SYN3: variants seen among roughly 807,000 people sequenced by gnomAD.
SYN3 encodes the protein synapsin III.
Under a neutral mutation model 65.8 loss-of-function variants are expected in SYN3, and 35 were observed. That is an observed-to-expected ratio of 0.53 (90% CI 0.41 to 0.70). The LOEUF (loss-of-function observed/expected upper bound fraction) is 0.70, where lower values mean the gene tolerates loss of function less well. SYN3 is among the 30% of genes least tolerant of loss of function. The pLI, the probability that SYN3 is intolerant of heterozygous loss-of-function variation, is 0.00. For missense variants in SYN3, 680 were observed against 749.0 expected (o/e 0.91, Z 1.08); for synonymous variants, 270 against 292.9 (o/e 0.92, Z 0.80).
chr22:33,006,870 C>A (rs1037276134), intron 1 of SYN3, 46 bp from the exon 2 acceptor site: 3 of 483,618 alleles, frequency 6.2e-6, no homozygotes, highest in Admixed American at 3.4e-5. Flanking sequence ...ACCTCCACCC[C>A]CTTAAGAGCA....
rs1491135400 is a variant in SYN3 at position 32,556,803 on chromosome 22, G to GTTTTTTTTTTTTTTTTTTTTTTTTTTT, written c.775-15091_775-15090insAAAAAAAAAAAAAAAAAAAAAAAAAAA. Among the ~76,000 whole-genome samples the GTTTTTTTTTTTTTTTTTTTTTTTTTTT allele has an allele frequency of 1.1e-4, 4 of 35,262 alleles. 2 individuals are homozygous for GTTTTTTTTTTTTTTTTTTTTTTTTTTT. The highest frequency in any genetic ancestry group is 1.9e-4 in the African/African-American group (2 of 10,522). The allele number at this position is 35,262 out of a possible 152,430, so 23.1% of individuals were successfully genotyped here. A position where few individuals can be genotyped will look rare whatever the true frequency, so the allele number is the denominator to read the frequency against. On this transcript the variant is annotated intron_variant, in intron 7 of 13. Coordinates refer to ENST00000358763, the MANE Select transcript of SYN3 (RefSeq NM_003490.4). ...CAATGACCCAATCTATAGGTTTCCT[G>GTTTTTTTTTTTTTTTTTTTTTTTTTTT]GTTTTTTTTTTTTTTTTTTTTTTTT... is the stretch of plus-strand genomic sequence containing the variant.
Position 33,058,366 on chromosome 22 carries a change from C to G in SYN3, c.-237G>C, listed in dbSNP as rs962912943. ...CCGCCAGTCGATCCGCTCCGGGTCC[C>G]GGGAGCTCAGCCTCTGCCCCTCAAC... is the stretch of plus-strand genomic sequence containing the variant. On this transcript the variant is annotated 5_prime_UTR_variant, in exon 1 of 14. Transcript: ENST00000358763. 60 of 151,572 alleles carry G rather than the reference C, an allele frequency of 4.0e-4. No individual in the cohort carries two copies. Among genetic ancestry groups the G allele is most frequent in the African/African-American group, 1.2e-3 (50 of 41,470 alleles). 9.4% of individuals were successfully genotyped at this position (151,572 alleles called of 1,614,324 possible).
At chr22:32,593,701 G>C (rs552573037) in intron 7 of SYN3, among the ~76,000 whole-genome samples, 1 of 152,300 alleles carries the variant, frequency 6.6e-6, no homozygotes, top group South Asian at 2.1e-4. Flanking sequence ...AGACAAAGTA[G>C]AGATGTAGAG....
intron 4 of SYN3, among the ~76,000 whole-genome samples, chr22:32,876,482 C>T (rs951349743): frequency 2.0e-5 from 3 of 151,804 alleles, no homozygotes; most frequent in East Asian, 1.9e-4. Context: ...AATTGATAAA[C>T]GCGTGGAGAT....
At chr22:32,688,202 T>C (rs2060617419) in intron 6 of SYN3, among the ~76,000 whole-genome samples, 1 of 152,178 alleles carries the variant, frequency 6.6e-6, no homozygotes, top group Non-Finnish European at 1.5e-5. Context: ...ATGTTGGGCA[T>C]GTTCAGATGA....
At chr22:33,045,018 C>G (rs1569421566) in intron 1 of SYN3, among the ~76,000 whole-genome samples, 1 of 151,958 alleles carries the variant, frequency 6.6e-6, no homozygotes, top group Non-Finnish European at 1.5e-5. Flanking sequence ...AATTTTTGTA[C>G]TTTTAGTAGA....
At chr22:32,780,059 A>C in intron 6 of SYN3, among the ~76,000 whole-genome samples, 1 of 143,462 alleles carries the variant, frequency 7.0e-6, no homozygotes, top group Non-Finnish European at 1.5e-5. Context: ...ACAGAGTGAG[A>C]TTCTGTCTCA....
At chr22:32,649,141 C>T (rs374958426) in intron 6 of SYN3, among the ~76,000 whole-genome samples, 2 of 152,120 alleles carry the variant, frequency 1.3e-5, no homozygotes, top group Non-Finnish European at 1.5e-5. Flanking sequence ...TTGGTCATGT[C>T]GCTTATTTTG....
chr22:32,726,550 C>T (rs2061197229), intron 6 of SYN3, among the ~76,000 whole-genome samples: 1 of 152,210 alleles, frequency 6.6e-6, no homozygotes, highest in African/African-American at 2.4e-5. Flanking sequence ...CTGTTGATGA[C>T]AACAGCTCTC....
intron 6 of SYN3, among the ~76,000 whole-genome samples, chr22:32,647,073 G>A (rs962192890): frequency 5.3e-5 from 8 of 152,188 alleles, no homozygotes; most frequent in Admixed American, 4.6e-4. Context: ...CCAAAGGCTT[G>A]GGGGCTTGTC....
intron 6 of SYN3, among the ~76,000 whole-genome samples, chr22:32,607,818 T>G (rs1034122057): frequency 6.6e-6 from 1 of 152,352 alleles, no homozygotes; most frequent in East Asian, 1.9e-4. Flanking sequence ...CAGTCTCCCA[T>G]GAGGATCCTC....
chr22:32,717,239 A>C (rs943565808), intron 6 of SYN3, among the ~76,000 whole-genome samples: 7 of 152,174 alleles, frequency 4.6e-5, no homozygotes, highest in Non-Finnish European at 8.8e-5. Flanking sequence ...CCACGATGCT[A>C]TACTCCTGCC....
chr22:32,538,067 C>T lies in SYN3; in HGVS notation c.961G>A (p.Ala321Thr), dbSNP rs748625347. Reference sequence around the variant, plus strand: ...GTCATGGCCACCTGCTCCAGCATGGCAGAGCCTGTGTTGGCCTTCCAGTTC... The same window carrying T: ...GTCATGGCCACCTGCTCCAGCATGGTAGAGCCTGTGTTGGCCTTCCAGTTC... ...SGNWKANTGS[A>T]MLEQVAMTER... The change falls in exon 9 of 14, where the codon GCC becomes ACC. Residue 321 changes from alanine to threonine, a missense_variant. Transcript: ENST00000358763. The T allele has an allele frequency of 6.2e-7, 1 of 1,614,204 alleles. No homozygotes were observed. Among genetic ancestry groups the T allele is most frequent in the Non-Finnish European group, 8.5e-7 (1 of 1,180,030 alleles).
Position 32,931,380 on chromosome 22 carries a change from T to C in SYN3, c.461+10A>G, listed in dbSNP as rs749952984. 1.1e-5 allele frequency: 18 copies of C among 1,594,244 alleles called. No individual in the cohort carries two copies. In the Admixed American group the frequency reaches 1.5e-4, roughly 13 times the overall value. On this transcript the variant is annotated intron_variant, in intron 4 of 13. Transcript: ENST00000358763. ...TCTCAGAAGGTTCTGCATATTTTAA[T>C]CCTACTTACCTCACCACTTTGGTCC... is the stretch of plus-strand genomic sequence containing the variant.
In SYN3 at chr22:32,801,985, C is replaced by T; in HGVS notation, c.711+62930G>A. On this transcript the variant is annotated intron_variant, in intron 6 of 13. Transcript: ENST00000358763. This position sits in a 1 kb window ranked among gnomAD's most constrained non-coding sequence, Gnocchi z 4.7. ...GAGAGGCGAGCAGCAGCCCCGGCAG[C>T]GGCGGCAGCAGCGGCAATGACCCCT... The T allele has an allele frequency of 6.3e-7, 1 of 1,581,856 alleles. No individual in the cohort carries two copies. Among genetic ancestry groups the T allele is most frequent in the Admixed American group, 1.7e-5 (1 of 57,290 alleles).
At chr22:32,973,948 C>T (rs1287354362) in intron 3 of SYN3, among the ~76,000 whole-genome samples, 3 of 152,190 alleles carry the variant, frequency 2.0e-5, no homozygotes, top group African/African-American at 7.2e-5. Context: ...ATCACCACGC[C>T]TGGCTGATTT....
intron 6 of SYN3, among the ~76,000 whole-genome samples, chr22:32,634,095 A>T (rs1030926818): frequency 6.6e-6 from 1 of 152,246 alleles, no homozygotes; most frequent in African/African-American, 2.4e-5. Flanking sequence ...CTGAATGCTT[A>T]CAAGGTACTG....
At position 32,513,548 on chromosome 22, in the gene SYN3, T is replaced by G. The variant is rs1384581820; in HGVS notation, c.*144A>C. ...GGAAAATGGGAACAAATATAGATAA[T>G]CGGTTCCTGGGTCAAAGGCATTTAG... On this transcript the variant is annotated 3_prime_UTR_variant, in exon 14 of 14. Coordinates refer to ENST00000358763, the MANE Select transcript of SYN3 (RefSeq NM_003490.4). The G allele has an allele frequency of 1.8e-5, 20 of 1,095,904 alleles. No individual in the cohort carries two copies. Among genetic ancestry groups the G allele is most frequent in the Non-Finnish European group, 2.6e-5 (20 of 773,982 alleles). 67.9% of individuals were successfully genotyped at this position (1,095,904 alleles called of 1,614,324 possible). A position where few individuals can be genotyped will look rare whatever the true frequency, so the allele number is the denominator to read the frequency against.
chr22:32,889,281 A>C (rs560574529), intron 4 of SYN3, among the ~76,000 whole-genome samples: 46 of 151,774 alleles, frequency 3.0e-4, no homozygotes, highest in Admixed American at 4.6e-4. Context: ...ATAATTACTC[A>C]CCTTTGCCCC....
Sources: allele counts gnomAD v4.1 joint callset (sites outside exome capture counted in the v4.1 genomes callset), GRCh38; gene constraint gnomAD v4.1.1; non-coding constraint Gnocchi (gnomAD v3.1); transcripts MANE v1.5; gene names NCBI Gene and HGNC (gene_info 2026-07-23, HGNC 2026-07-21).